CACNA1I: variants seen among roughly 807,000 people sequenced by gnomAD.
CACNA1I encodes voltage-dependent T-type calcium channel subunit alpha-1I.
Under a neutral mutation model 201.6 loss-of-function variants are expected in CACNA1I, and 74 were observed. That is an observed-to-expected ratio of 0.37 (90% CI 0.30 to 0.45). The LOEUF is 0.45. Ranked by LOEUF, CACNA1I falls within the 20% of genes least tolerant of loss-of-function variation. The pLI is 1.00. For missense variants in CACNA1I, 2,346 were observed against 3,138.1 expected (o/e 0.75, Z 6.03); for synonymous variants, 1,431 against 1,345.2 (o/e 1.06, Z -1.40).
intron 10 of CACNA1I, among the ~76,000 whole-genome samples, chr22:39,651,467 G>A (rs1032831750): frequency 3.3e-5 from 5 of 152,240 alleles, no homozygotes; most frequent in East Asian, 1.9e-4. Flanking sequence ...GAGGGCTAGC[G>A]AGAGGGCTCT....
rs1180237781 is a variant in CACNA1I, at chr22:39,686,678, A to G, written c.*273A>G. 2 of 147,658 alleles carry G rather than the reference A, an allele frequency of 1.4e-5. No individual in the cohort carries two copies. The highest frequency in any genetic ancestry group is 2.1e-4 in the South Asian group (1 of 4,686). The allele number at this position is 147,658 out of a possible 1,614,324, so 9.1% of individuals were successfully genotyped here. ...TGTGTATACACACACACATAGACAGACATATATATATATATTTATTTTTTT... is the reference window on the plus strand; with the variant it reads ...TGTGTATACACACACACATAGACAGGCATATATATATATATTTATTTTTTT... On this transcript the variant is annotated 3_prime_UTR_variant, in exon 37 of 37. Coordinates refer to ENST00000402142, the MANE Select transcript of CACNA1I (RefSeq NM_021096.4).
At chr22:39,632,912 G>A (rs539300091) in intron 4 of CACNA1I, among the ~76,000 whole-genome samples, 3 of 150,716 alleles carry the variant, frequency 2.0e-5, no homozygotes, top group African/African-American at 7.3e-5. Flanking sequence ...GTGGGGTGAA[G>A]CAGCCTGCAG....
At chr22:39,607,902 G>C (rs558059425) in intron 3 of CACNA1I, among the ~76,000 whole-genome samples, 3 of 150,588 alleles carry the variant, frequency 2.0e-5, no homozygotes, top group Non-Finnish European at 4.4e-5. Flanking sequence ...AGGCGGGGGG[G>C]GGTCACCTGA....
At position 39,677,400 on chromosome 22, in the gene CACNA1I, G is replaced by C. The variant is rs768765380; in HGVS notation, c.4914G>C (p.Val1638=). 1.4e-5 allele frequency: 22 copies of C among 1,586,906 alleles called. No individual in the cohort carries two copies. Among genetic ancestry groups the C allele is most frequent in the Non-Finnish European group, 1.9e-5 (22 of 1,168,782 alleles). The part of the protein sequence containing the change: ...LLFFIYAALG[V]ELFGKLVCND... ...TCTTCATCTATGCTGCTCTCGGGGT[G>C]GAGCTCTTTGGGAAGCTGGGTGAGT... The change falls in exon 30 of 37, where the codon GTG becomes GTC. Residue 1638 remains valine, a synonymous_variant. Coordinates refer to ENST00000402142, the MANE Select transcript of CACNA1I (RefSeq NM_021096.4). The surrounding 1 kb of genome is among the most constrained non-coding windows in gnomAD (Gnocchi z 4.8).
chr22:39,633,561 T>C (rs1455232379), intron 4 of CACNA1I, among the ~76,000 whole-genome samples: 4 of 152,016 alleles, frequency 2.6e-5, no homozygotes, highest in African/African-American at 4.8e-5. Flanking sequence ...TGAATAGGGA[T>C]TTGCCAGGCA....
intron 4 of CACNA1I, among the ~76,000 whole-genome samples, chr22:39,626,436 G>GTGTGCTGATTGGCACACCTCA (rs1453181662): frequency 1.4e-4 from 21 of 152,198 alleles, no homozygotes; most frequent in Non-Finnish European, 2.8e-4. Context: ...TCAGCTGAGG[G>GTGTGCTGATTGGCACACCTCA]TTGGAGAGGG....
rs1569065680 is a variant in CACNA1I at position 39,620,261 on chromosome 22, ATCCATCCATC to A, written c.580+855_580+864del. Among the ~76,000 whole-genome samples the A allele has an allele frequency of 8.0e-4, 109 of 136,256 alleles. 1 individual carries two copies. Among genetic ancestry groups the A allele is most frequent in the African/African-American group, 1.9e-3 (72 of 38,226 alleles). 89.4% of individuals were successfully genotyped at this position (136,256 alleles called of 152,430 possible). On this transcript the variant is annotated intron_variant, in intron 4 of 36. Coordinates refer to ENST00000402142, the MANE Select transcript of CACNA1I (RefSeq NM_021096.4). ...TGTCCATCCATCCATCCATCCATCC[ATCCATCCATC>A]CATCCATACGTACATACATACATCT...
chr22:39,665,762 A>T lies in CACNA1I; in HGVS notation c.3979-119A>T. The T allele has an allele frequency of 6.5e-7, 1 of 1,541,906 alleles. No individual in the cohort carries two copies. The highest frequency in any genetic ancestry group is 8.9e-7 in the Non-Finnish European group (1 of 1,126,332). On this transcript the variant is annotated intron_variant, in intron 22 of 36. Coordinates refer to ENST00000402142, the MANE Select transcript of CACNA1I (RefSeq NM_021096.4). The surrounding 1 kb of genome is among the most constrained non-coding windows in gnomAD (Gnocchi z 5.5). ...GGGCTTCTCCTCCAGGGAGGGAGAC[A>T]GACATGGGCCCAGATGACTGAGCAC...
At position 39,689,531 on chromosome 22, in the gene CACNA1I, ACCT is replaced by A. The variant is rs1013178350; in HGVS notation, c.*3132_*3134del. The A allele has an allele frequency of 5.9e-5, 9 of 152,796 alleles. No homozygotes were observed. Among genetic ancestry groups the A allele is most frequent in the African/African-American group, 1.7e-4 (7 of 41,452 alleles). 9.5% of individuals were successfully genotyped at this position (152,796 alleles called of 1,614,324 possible). On this transcript the variant is annotated 3_prime_UTR_variant, in exon 37 of 37. Transcript: ENST00000402142. The stretch of plus-strand genomic sequence containing the variant: ...GCAGCCTACTGAGGAGGCAGAGGCC[ACCT>A]CCTCCAGAAAGCCCTCGGCCTGGGC...
intron 5 of CACNA1I, among the ~76,000 whole-genome samples, chr22:39,640,355 C>T (rs760191243): frequency 1.3e-5 from 2 of 152,158 alleles, no homozygotes; most frequent in Admixed American, 1.3e-4. Context: ...CACCACTGCA[C>T]TCCAGCCTGG....
chr22:39,664,904 C>T lies in CACNA1I; in HGVS notation c.3832C>T (p.Arg1278Cys). ...GGTCCTCCGAGTCTTGCGGCTCCTG[C>T]GCACCCTACGCCCCCTGCGGTGAGG... is the stretch of plus-strand genomic sequence containing the variant. Reference protein sequence around the residue: ...LGVLRVLRLLRTLRPLRVISR... With the variant: ...LGVLRVLRLLCTLRPLRVISR... The change falls in exon 21 of 37, where the codon CGC becomes TGC. Residue 1278 changes from arginine to cysteine, a missense_variant. This residue lies in a region of CACNA1I where 158 missense variants were observed against 231.6 expected (regional missense o/e 0.68). Coordinates refer to ENST00000402142, the MANE Select transcript of CACNA1I (RefSeq NM_021096.4). The T allele has an allele frequency of 3.1e-6, 5 of 1,612,316 alleles. No homozygotes were observed. Among genetic ancestry groups the T allele is most frequent in the Non-Finnish European group, 4.2e-6 (5 of 1,179,828 alleles).
chr22:39,686,034 GACTCCA>G lies in CACNA1I; in HGVS notation c.6302_6307del (p.Asp2101_Met2103delinsVal). The G allele has an allele frequency of 8.1e-7, 1 of 1,235,718 alleles. No individual in the cohort carries two copies. Among genetic ancestry groups the G allele is most frequent in the Non-Finnish European group, 1.0e-6 (1 of 993,170 alleles). 76.5% of individuals were successfully genotyped at this position (1,235,718 alleles called of 1,614,324 possible). On this transcript the variant is annotated inframe_deletion, in exon 37 of 37. Transcript: ENST00000402142. ...CACCAGCCCGGGCTGCACCCACCAC[GACTCCA>G]TGGACCCCTCGGACGAGGAGGGCCG...
chr22:39,625,862 C>A (rs970006629), intron 4 of CACNA1I, among the ~76,000 whole-genome samples: 1 of 141,230 alleles, frequency 7.1e-6, no homozygotes, highest in Non-Finnish European at 1.6e-5. Flanking sequence ...GCCTGTACAT[C>A]TCTCAAGGCA....
At position 39,679,493 on chromosome 22, in the gene CACNA1I, G is replaced by A. The variant is rs761629861; in HGVS notation, c.5394+48G>A. On this transcript the variant is annotated intron_variant, in intron 32 of 36. Transcript: ENST00000402142. The stretch of plus-strand genomic sequence containing the variant: ...TGAGGGTCGCCAGAGGGGGGGCACC[G>A]CAGGGCCAGATGGGCAGCAGGGCCA... 3.9e-5 allele frequency: 51 copies of A among 1,306,392 alleles called. No homozygotes were observed. The South Asian group carries it at 5.8e-4, about 15-fold the overall frequency. 80.9% of individuals were successfully genotyped at this position (1,306,392 alleles called of 1,614,324 possible).
rs1279306846 is a variant in CACNA1I, at chr22:39,629,227, A to G, written c.581-5338A>G. Among the ~76,000 whole-genome samples, 2 of 152,038 alleles carry G rather than the reference A, an allele frequency of 1.3e-5. No homozygotes were observed. Among genetic ancestry groups the G allele is most frequent in the East Asian group, 3.9e-4 (2 of 5,162 alleles). The stretch of plus-strand genomic sequence containing the variant: ...GTGCTCCACATGACGCTCCCGGGCC[A>G]GACTGTTCTCCCCTGAACTCCAGAC... On this transcript the variant is annotated intron_variant, in intron 4 of 36. Coordinates refer to ENST00000402142, the MANE Select transcript of CACNA1I (RefSeq NM_021096.4). The surrounding 1 kb of genome is among the most constrained non-coding windows in gnomAD (Gnocchi z 4.8).
chr22:39,654,403 T>G (rs914379812), intron 10 of CACNA1I, among the ~76,000 whole-genome samples: 3 of 151,928 alleles, frequency 2.0e-5, no homozygotes, highest in Non-Finnish European at 4.4e-5. Context: ...AAACAGAGGG[T>G]TGGGGCGCAT....
rs564187897 is a variant in CACNA1I, at chr22:39,677,241, C to T, written c.4855-100C>T. The T allele has an allele frequency of 9.2e-5, 69 of 747,212 alleles. No individual in the cohort carries two copies. The African/African-American group carries it at 9.7e-4, about 11-fold the overall frequency. 46.3% of individuals were successfully genotyped at this position (747,212 alleles called of 1,614,324 possible). On this transcript the variant is annotated intron_variant, in intron 29 of 36. Transcript: ENST00000402142. This position sits in a 1 kb window ranked among gnomAD's most constrained non-coding sequence, Gnocchi z 4.8. The stretch of plus-strand genomic sequence containing the variant: ...GGAATGTTACAGCTGCTCTGACCCA[C>T]AGGCTGCCCAACCCCACTGCCCCAG...
intron 17 of CACNA1I, 63 bp from the exon 18 acceptor site, chr22:39,662,713 A>G (rs1354493901): frequency 4.9e-6 from 6 of 1,227,862 alleles, no homozygotes; most frequent in Admixed American, 2.0e-5. Context: ...CGATGGCCGC[A>G]TGGGCGGAGA....
Position 39,689,471 on chromosome 22 carries a change from A to G in CACNA1I, c.*3066A>G, listed in dbSNP as rs558302775. Reference sequence around the variant, plus strand: ...ACATACTCTTTTTTGTCTTTGTGCAATAATCAGTGTTCCTGGCAGAGCCTG... The same window carrying G: ...ACATACTCTTTTTTGTCTTTGTGCAGTAATCAGTGTTCCTGGCAGAGCCTG... On this transcript the variant is annotated 3_prime_UTR_variant, in exon 37 of 37. Coordinates refer to ENST00000402142, the MANE Select transcript of CACNA1I (RefSeq NM_021096.4). 4 of 152,738 alleles carry G rather than the reference A, an allele frequency of 2.6e-5. No individual in the cohort carries two copies. The highest frequency in any genetic ancestry group is 4.4e-5 in the Non-Finnish European group (3 of 68,096). The allele number at this position is 152,738 out of a possible 1,614,324, so 9.5% of individuals were successfully genotyped here. A position where few individuals can be genotyped will look rare whatever the true frequency, so the allele number is the denominator to read the frequency against.
Sources: allele counts gnomAD v4.1 joint callset (sites outside exome capture counted in the v4.1 genomes callset), GRCh38; gene constraint gnomAD v4.1.1; regional missense constraint gnomAD v4.1.1; non-coding constraint Gnocchi (gnomAD v3.1); transcripts MANE v1.5; gene names NCBI Gene and HGNC (gene_info 2026-07-23, HGNC 2026-07-21).